The following VAC14 variants were observed in gnomAD, a reference collection of about 807,000 sequenced individuals.
VAC14 encodes protein VAC14 homolog.
Under a neutral mutation model 85.3 loss-of-function variants are expected in VAC14, and 47 were observed. The observed-to-expected ratio is 0.55, with a 90% confidence interval of 0.44 to 0.70. The LOEUF (loss-of-function observed/expected upper bound fraction) is 0.70, where lower values mean the gene tolerates loss of function less well. Among genes scored for constraint, VAC14 ranks in the 30% least tolerant of loss-of-function variants. VAC14 has a pLI of 0.00. For missense variants in VAC14, 861 were observed against 1,004.3 expected (o/e 0.86, Z 1.93); for synonymous variants, 447 against 430.5 (o/e 1.04, Z -0.47).
At chr16:70,726,997 G>A (rs1473113319) in intron 14 of VAC14, among the ~76,000 whole-genome samples, 1 of 152,140 alleles carries the variant, frequency 6.6e-6, no homozygotes, top group East Asian at 1.9e-4. Flanking sequence ...AAGAGGAAAC[G>A]CTCCCAGGGT....
intron 13 of VAC14, among the ~76,000 whole-genome samples, chr16:70,738,866 G>A (rs570147042): frequency 1.3e-5 from 2 of 152,326 alleles, no homozygotes; most frequent in Non-Finnish European, 2.9e-5. Context: ...AGCACTGGGC[G>A]ACGCTGAGGA....
intron 14 of VAC14, among the ~76,000 whole-genome samples, chr16:70,703,256 A>C (rs1471364317): frequency 6.6e-6 from 1 of 152,186 alleles, no homozygotes; most frequent in African/African-American, 2.4e-5. Flanking sequence ...ATATTTTCCA[A>C]CACCCGCATG....
chr16:70,784,753 A>T lies in VAC14; in HGVS notation c.486+23T>A, dbSNP rs879237690. The stretch of plus-strand genomic sequence containing the variant: ...CGGGAGAAACAGATTGTAGAAATAA[A>T]AGTGGGGACAAAGTACAAATACCTT... On this transcript the variant is annotated intron_variant, in intron 4 of 18. Transcript: ENST00000261776. 5 of 1,608,842 alleles carry T rather than the reference A, an allele frequency of 3.1e-6. No individual in the cohort carries two copies. The South Asian group carries it at 5.5e-5, about 18-fold the overall frequency.
At chr16:70,741,026 G>A (rs1597916190) in intron 13 of VAC14, among the ~76,000 whole-genome samples, 1 of 152,214 alleles carries the variant, frequency 6.6e-6, no homozygotes, top group Non-Finnish European at 1.5e-5. Flanking sequence ...AGATGCCACC[G>A]ACTTCACCTT....
Position 70,801,155 on chromosome 16 carries a change from A to G in VAC14, c.-255T>C. The G allele has an allele frequency of 4.9e-6, 2 of 404,130 alleles. No homozygotes were observed. The highest frequency in any genetic ancestry group is 5.7e-5 in the South Asian group (1 of 17,672). The allele number at this position is 404,130 out of a possible 1,614,324, so 25.0% of individuals were successfully genotyped here. A position where few individuals can be genotyped will look rare whatever the true frequency, so the allele number is the denominator to read the frequency against. The stretch of plus-strand genomic sequence containing the variant: ...CACGAGACAGCGGCCATGTTACTCG[A>G]GTCACATGACTCTACAGCACTTCCG... On this transcript the variant is annotated 5_prime_UTR_variant, in exon 1 of 19. Coordinates refer to ENST00000261776, the MANE Select transcript of VAC14 (RefSeq NM_018052.5).
rs112985657 is a variant in VAC14 at position 70,768,768 on chromosome 16, C to T, written c.1160+3341G>A. ...TGCTTCCATGGTGATCCTTGAACCCCTGAAAGTGAATTCAGAATTTCATGT... is the reference window on the plus strand; with the variant it reads ...TGCTTCCATGGTGATCCTTGAACCCTTGAAAGTGAATTCAGAATTTCATGT... On this transcript the variant is annotated intron_variant, in intron 10 of 18. Coordinates refer to ENST00000261776, the MANE Select transcript of VAC14 (RefSeq NM_018052.5). The T allele has an allele frequency of 4.1e-4, 184 of 451,864 alleles. 1 individual carries two copies. The highest frequency in any genetic ancestry group is 7.7e-4 in the Non-Finnish European group (173 of 226,128). The allele number at this position is 451,864 out of a possible 1,614,324, so 28.0% of individuals were successfully genotyped here.
chr16:70,689,744 CG>C (rs2053563927), intron 18 of VAC14: 1 of 985,398 alleles, frequency 1.0e-6, no homozygotes. Flanking sequence ...AGCAGCTGGG[CG>C]GGGCCATTCT....
chr16:70,780,671 G>A, intron 9 of VAC14, 119 bp downstream of exon 9: 1 of 1,288,962 alleles, frequency 7.8e-7, no homozygotes, highest in Non-Finnish European at 1.1e-6. Context: ...CTACAATTGT[G>A]TGAGTGACAT....
chr16:70,762,106 T>TTTTG lies in VAC14; in HGVS notation c.1371+433_1371+434insCAAA, dbSNP rs1555523465. Among the ~76,000 whole-genome samples, 8,491 of 151,630 alleles carry TTTTG rather than the reference T, an allele frequency of 0.056. 707 individuals carry two copies. Among genetic ancestry groups the TTTTG allele is most frequent in the African/African-American group, 0.18 (7,224 of 41,146 alleles). On this transcript the variant is annotated intron_variant, in intron 12 of 18. Transcript: ENST00000261776. The surrounding 1 kb of genome is among the most constrained non-coding windows in gnomAD (Gnocchi z 4.1). The stretch of plus-strand genomic sequence containing the variant: ...GTCCTCACTCCTAAAGTGAGTTTTT[T>TTTTG]TTTTTGTTTTTGTTTTTTTGAGACA...
At chr16:70,744,368 G>T in intron 13 of VAC14, 55 bp downstream of exon 13, 4 of 1,609,722 alleles carry the variant, frequency 2.5e-6, no homozygotes, top group Non-Finnish European at 3.4e-6. Context: ...TCCAGCCTAA[G>T]ACCCGGCACT....
At chr16:70,707,273 C>T (rs1032148726) in intron 14 of VAC14, among the ~76,000 whole-genome samples, 2 of 152,280 alleles carry the variant, frequency 1.3e-5, no homozygotes, top group Non-Finnish European at 2.9e-5. Flanking sequence ...CCTGCCAACT[C>T]ATGCCTTAAA....
At chr16:70,798,757 T>G (rs749044118) in intron 1 of VAC14, among the ~76,000 whole-genome samples, 1 of 152,192 alleles carries the variant, frequency 6.6e-6, no homozygotes, top group Non-Finnish European at 1.5e-5. Flanking sequence ...AGCTCCCAGG[T>G]GATCCTGATG....
At chr16:70,760,965 GTGTGTGTGTGTGTGTGTGTGTGT>G (rs564184009) in intron 12 of VAC14, among the ~76,000 whole-genome samples, 2,107 of 60,730 alleles carry the variant, frequency 0.035, 123 homozygotes, top group African/African-American at 0.12. Flanking sequence ...AAGAGAGGGT[GTGTGTGTGTGTGTGTGTGTGTGT>G]GTGTGTGTGT....
chr16:70,706,078 C>T (rs1233516319), intron 14 of VAC14, among the ~76,000 whole-genome samples: 1 of 152,172 alleles, frequency 6.6e-6, no homozygotes, highest in African/African-American at 2.4e-5. Flanking sequence ...CATTTCCCAC[C>T]CCAGCAGGTC....
intron 13 of VAC14, among the ~76,000 whole-genome samples, chr16:70,743,027 T>C (rs929221223): frequency 6.6e-6 from 1 of 151,782 alleles, no homozygotes; most frequent in Non-Finnish European, 1.5e-5. Flanking sequence ...CAGCACTCTG[T>C]AAAAACGCAC....
At chr16:70,750,714 G>T (rs192513148) in intron 12 of VAC14, among the ~76,000 whole-genome samples, 3 of 152,256 alleles carry the variant, frequency 2.0e-5, no homozygotes, top group Admixed American at 2.0e-4. Context: ...GTGCATTCTA[G>T]CAGGTGAAGT....
At chr16:70,694,059 C>A (rs2053656054) in intron 17 of VAC14, among the ~76,000 whole-genome samples, 2 of 152,238 alleles carry the variant, frequency 1.3e-5, no homozygotes, top group Admixed American at 6.5e-5. Flanking sequence ...GGGAAGCAGG[C>A]ACTGCCGGTG....
chr16:70,716,081 G>C (rs1020433151), intron 14 of VAC14: 2 of 152,248 alleles, frequency 1.3e-5, no homozygotes, highest in Non-Finnish European at 2.9e-5. Flanking sequence ...CCAGGTCACA[G>C]CTTCCTGGCT....
At chr16:70,691,418 G>A (rs1202003733) in intron 18 of VAC14, 6 of 985,340 alleles carry the variant, frequency 6.1e-6, no homozygotes, top group African/African-American at 1.7e-5. Context: ...GCGTTGAAGG[G>A]CCAAGGCAAA....
Sources: gnomAD v4.1 joint callset for allele counts (sites outside exome capture counted in the v4.1 genomes callset) on GRCh38, gnomAD v4.1.1 for gene constraint, Gnocchi (gnomAD v3.1) non-coding constraint, MANE v1.5 for transcripts, NCBI Gene and HGNC (gene_info 2026-07-23, HGNC 2026-07-21) for gene names.